Variants in MYH11 observed in about 807,000 individuals in gnomAD.
MYH11 encodes myosin heavy chain 11, also known as myosin-11.
Under a neutral mutation model 246.6 loss-of-function variants are expected in MYH11, and 80 were observed. That is an observed-to-expected ratio of 0.32 (90% confidence interval 0.27 to 0.39). The LOEUF is 0.39. MYH11 is among the 10% of genes least tolerant of loss of function. MYH11 has a pLI of 1.00. For missense variants in MYH11, 2,158 were observed against 2,546.8 expected (o/e 0.85, Z 3.29); for synonymous variants, 1,071 against 1,015.5 (o/e 1.05, Z -1.04).
intron 1 of MYH11, among the ~76,000 whole-genome samples, chr16:15,850,719 A>AC (rs764637579): frequency 3.0e-4 from 46 of 152,062 alleles, no homozygotes; most frequent in Admixed American, 1.2e-3. Flanking sequence ...ACATGGTGAA[A>AC]CCCCATCTCT....
chr16:15,707,047 A>AT (rs886568706), intron 40 of MYH11, among the ~76,000 whole-genome samples: 29 of 151,592 alleles, frequency 1.9e-4, no homozygotes, highest in African/African-American at 5.8e-4. Context: ...AGAATCTGGA[A>AT]TTTTTTTTTG....
chr16:15,816,247 T>C (rs1232064243), intron 3 of MYH11, among the ~76,000 whole-genome samples: 2 of 152,122 alleles, frequency 1.3e-5, no homozygotes, highest in African/African-American at 2.4e-5. Context: ...TTACTAGCTA[T>C]AGAGAAAGCC....
intron 1 of MYH11, among the ~76,000 whole-genome samples, chr16:15,851,625 C>G (rs1269455526): frequency 1.3e-5 from 2 of 152,100 alleles, no homozygotes; most frequent in Non-Finnish European, 2.9e-5. Context: ...ATTCACATCC[C>G]CCCACCTCCC....
At chr16:15,827,546 C>T (rs1352796354) in intron 2 of MYH11, among the ~76,000 whole-genome samples, 1 of 152,164 alleles carries the variant, frequency 6.6e-6, no homozygotes, top group African/African-American at 2.4e-5. Flanking sequence ...GGGCTGCCTG[C>T]CTGGACACCC....
At chr16:15,763,605 T>C (rs1273481591) in intron 10 of MYH11, among the ~76,000 whole-genome samples, 191 bp downstream of exon 10, 2 of 152,080 alleles carry the variant, frequency 1.3e-5, no homozygotes, top group Admixed American at 1.3e-4. Flanking sequence ...ATCCCTGCGC[T>C]CTGATTCAAT....
chr16:15,759,567 G>T lies in MYH11; in HGVS notation c.1401+9C>A. 2 of 1,614,060 alleles carry T rather than the reference G, an allele frequency of 1.2e-6. No homozygotes were observed. Among genetic ancestry groups the T allele is most frequent in the South Asian group, 2.2e-5 (2 of 91,076 alleles). ...AGACCATGGCTCTTAGGATCCCACC[G>T]AGCTGTACCTCAAAGATCTCAAATC... is the stretch of plus-strand genomic sequence containing the variant. On this transcript the variant is annotated intron_variant, in intron 12 of 40. Transcript: ENST00000300036.
chr16:15,807,810 G>T (rs768816582), intron 3 of MYH11, among the ~76,000 whole-genome samples: 1 of 152,188 alleles, frequency 6.6e-6, no homozygotes, highest in Non-Finnish European at 1.5e-5. Flanking sequence ...AGAAGATAAA[G>T]GGCTTCAGCG....
chr16:15,717,649 G>A, intron 37 of MYH11: 1 of 485,662 alleles, frequency 2.1e-6, no homozygotes, highest in Non-Finnish European at 3.7e-6. Flanking sequence ...ACAAAAATTA[G>A]CCGGGCAGTG....
intron 1 of MYH11, among the ~76,000 whole-genome samples, chr16:15,854,775 C>T (rs9933417): frequency 0.19 from 28,905 of 151,590 alleles, 3,349 homozygotes; most frequent in East Asian, 0.42. Context: ...TTGTGCCTAA[C>T]GTGGAAGACC....
At chr16:15,772,527 A>T (rs891930440) in intron 8 of MYH11, among the ~76,000 whole-genome samples, 7 of 152,142 alleles carry the variant, frequency 4.6e-5, no homozygotes, top group Admixed American at 3.9e-4. Context: ...CTTACTCCAT[A>T]ATACCTGCTT....
chr16:15,763,741 T>TCGGGCCCCCCC, intron 10 of MYH11, 55 bp downstream of exon 10: 6 of 646,850 alleles, frequency 9.3e-6, no homozygotes, highest in Non-Finnish European at 1.4e-5. Flanking sequence ...AAATGTCACC[T>TCGGGCCCCCCC]CCCCCACCCC....
At chr16:15,769,949 CT>C (rs1193723193) in intron 9 of MYH11, among the ~76,000 whole-genome samples, 1 of 152,180 alleles carries the variant, frequency 6.6e-6, no homozygotes, top group Non-Finnish European at 1.5e-5. Flanking sequence ...GCATGAGCCA[CT>C]GTGCCCAGCC....
intron 2 of MYH11, among the ~76,000 whole-genome samples, chr16:15,824,983 G>C (rs1429571225): frequency 6.6e-6 from 1 of 152,172 alleles, no homozygotes; most frequent in Non-Finnish European, 1.5e-5. Context: ...TTACCCCACA[G>C]CGCCTGCTCC....
chr16:15,753,285 C>T, intron 15 of MYH11, 109 bp downstream of exon 15: 1 of 923,372 alleles, frequency 1.1e-6, no homozygotes, highest in South Asian at 1.4e-5. Context: ...CCTTCCCCTG[C>T]CCCCATGTAA....
At chr16:15,758,698 G>C (rs948620917) in intron 12 of MYH11, among the ~76,000 whole-genome samples, 7 of 151,834 alleles carry the variant, frequency 4.6e-5, no homozygotes, top group African/African-American at 1.7e-4. Context: ...TACTCGAGAG[G>C]CTGAGGCAGG....
intron 19 of MYH11, 95 bp from the exon 20 acceptor site, chr16:15,745,332 C>A (rs143192875): frequency 1.2e-6 from 1 of 835,794 alleles, no homozygotes; most frequent in Non-Finnish European, 2.0e-6. Context: ...TGCACAGGGA[C>A]ATGCCCCAAT....
rs34518997 is a variant in MYH11 at position 15,839,693 on chromosome 16, C to T, written c.-17-1424G>A. On this transcript the variant is annotated intron_variant, in intron 1 of 40. Transcript: ENST00000300036. Reference sequence around the variant, plus strand: ...TCGGCGACAGAGCGAGACTCTGTCTCGAAAAAAAAAAAAAGTAATGGCAAA... The same window carrying T: ...TCGGCGACAGAGCGAGACTCTGTCTTGAAAAAAAAAAAAAGTAATGGCAAA... Among the ~76,000 whole-genome samples, 34 of 143,358 alleles carry T rather than the reference C, an allele frequency of 2.4e-4. No individual in the cohort carries two copies. The South Asian group carries it at 6.6e-3, about 28-fold the overall frequency. 94.0% of individuals were successfully genotyped at this position (143,358 alleles called of 152,430 possible).
intron 2 of MYH11, among the ~76,000 whole-genome samples, chr16:15,829,520 C>A (rs924403963): frequency 6.6e-6 from 1 of 152,186 alleles, no homozygotes; most frequent in African/African-American, 2.4e-5. Flanking sequence ...TCCTTCACCT[C>A]GACCCAGCCC....
At chr16:15,827,661 C>T (rs907833512) in intron 2 of MYH11, among the ~76,000 whole-genome samples, 1 of 152,200 alleles carries the variant, frequency 6.6e-6, no homozygotes, top group East Asian at 1.9e-4. Flanking sequence ...AGTCCCAGCA[C>T]AGGCCTTGGT....
Sources: allele counts gnomAD v4.1 joint callset (sites outside exome capture counted in the v4.1 genomes callset), GRCh38; gene constraint gnomAD v4.1.1; transcripts MANE v1.5; gene names NCBI Gene and HGNC (gene_info 2026-07-23, HGNC 2026-07-21).